SDCCAG8: variants seen among roughly 807,000 people sequenced by gnomAD.
SDCCAG8 encodes SHH signaling and ciliogenesis regulator SDCCAG8, also known as serologically defined colon cancer antigen 8.
SDCCAG8 carries 74 observed loss-of-function variants against 101.8 expected under a neutral mutation model. That is an observed-to-expected ratio of 0.73 (90% confidence interval 0.60 to 0.88). The LOEUF is 0.88. SDCCAG8 is among the 40% of genes least tolerant of loss of function. The probability of loss-of-function intolerance (pLI) is 0.00; values close to 1 mark genes in which losing one functional copy is unlikely to be tolerated. For synonymous variants in SDCCAG8, 281 were observed against 292.9 expected, an observed-to-expected ratio of 0.96 and a Z score of 0.41; for missense variants, 787 against 822.6, an observed-to-expected ratio of 0.96 and a Z score of 0.53.
chr1:243,338,008 A>G (rs1026442600), intron 10 of SDCCAG8, among the ~76,000 whole-genome samples: 5 of 152,030 alleles, frequency 3.3e-5, no homozygotes, highest in African/African-American at 1.2e-4. Flanking sequence ...GTATCCTCAA[A>G]CTACTTGGCT....
In SDCCAG8 at chr1:243,415,622, C is replaced by T. The variant is rs182819335; in HGVS notation, c.1617-80C>T. 8.2e-4 allele frequency: 1,305 copies of T among 1,590,416 alleles called. 27 individuals are homozygous for T. In the South Asian group the frequency reaches 0.014, roughly 17 times the overall value. On this transcript the variant is annotated intron_variant, in intron 13 of 17. Transcript: ENST00000366541. Reference sequence around the variant, plus strand: ...CTTAACAATTTACTACGTATCAGCTCTCTCTGGTCTATAGGGGACATGATG... The same window carrying T: ...CTTAACAATTTACTACGTATCAGCTTTCTCTGGTCTATAGGGGACATGATG...
At chr1:243,356,540 TA>T (rs1284800039) in intron 12 of SDCCAG8, among the ~76,000 whole-genome samples, 3 of 151,974 alleles carry the variant, frequency 2.0e-5, no homozygotes, top group Admixed American at 1.3e-4. Context: ...TGTTTCACCT[TA>T]AACTATAACT....
chr1:243,359,114 G>A (rs753616872), intron 12 of SDCCAG8, among the ~76,000 whole-genome samples: 1 of 152,144 alleles, frequency 6.6e-6, no homozygotes, highest in African/African-American at 2.4e-5. Flanking sequence ...AACTAAGGAG[G>A]AGGAGTGTTA....
At chr1:243,438,132 GT>G (rs931644795) in intron 16 of SDCCAG8, among the ~76,000 whole-genome samples, 3 of 152,126 alleles carry the variant, frequency 2.0e-5, no homozygotes, top group Non-Finnish European at 4.4e-5. Context: ...CTGCTCGTGG[GT>G]TTTTTTGCCC....
intron 1 of SDCCAG8, among the ~76,000 whole-genome samples, chr1:243,266,282 T>C (rs1370726820): frequency 2.0e-5 from 3 of 152,108 alleles, no homozygotes; most frequent in African/African-American, 7.2e-5. Context: ...GTCTGAGATT[T>C]TGTACCCTTT....
intron 8 of SDCCAG8, among the ~76,000 whole-genome samples, chr1:243,315,385 C>A (rs188893341): frequency 9.2e-5 from 14 of 152,058 alleles, no homozygotes; most frequent in African/African-American, 3.4e-4. Flanking sequence ...TGATTATATT[C>A]GATTAAAACA....
At chr1:243,359,316 T>C (rs1400752262) in intron 12 of SDCCAG8, among the ~76,000 whole-genome samples, 1 of 152,362 alleles carries the variant, frequency 6.6e-6, no homozygotes, top group Non-Finnish European at 1.5e-5. Context: ...ATTCCACAGA[T>C]GCCATTTGCA....
At chr1:243,388,197 C>T (rs376993492) in intron 13 of SDCCAG8, among the ~76,000 whole-genome samples, 4 of 152,208 alleles carry the variant, frequency 2.6e-5, no homozygotes, top group East Asian at 3.9e-4. Context: ...CTATCATATT[C>T]TAACTTTCCA....
At chr1:243,437,685 C>T (rs1008155223) in intron 16 of SDCCAG8, among the ~76,000 whole-genome samples, 14 of 151,944 alleles carry the variant, frequency 9.2e-5, no homozygotes, top group Non-Finnish European at 1.8e-4. Flanking sequence ...TACAGGCACC[C>T]GCCACCAGGC....
chr1:243,308,304 A>T (rs996202019), intron 8 of SDCCAG8, 127 bp downstream of exon 8: 1 of 1,099,430 alleles, frequency 9.1e-7, no homozygotes, highest in African/African-American at 1.5e-5. Flanking sequence ...AATACAGTGG[A>T]TTTTAAAAGG....
At chr1:243,367,247 C>T (rs145876263) in intron 12 of SDCCAG8, among the ~76,000 whole-genome samples, 4 of 151,842 alleles carry the variant, frequency 2.6e-5, no homozygotes, top group African/African-American at 4.8e-5. Context: ...CATTTTTATT[C>T]GCCATTGGAA....
intron 10 of SDCCAG8, among the ~76,000 whole-genome samples, chr1:243,336,583 C>G (rs1573391891): frequency 6.6e-6 from 1 of 152,232 alleles, no homozygotes; most frequent in East Asian, 1.9e-4. Flanking sequence ...GGAAGCGCTA[C>G]ACACTTTTAA....
chr1:243,379,598 A>C (rs2077816988), intron 13 of SDCCAG8, among the ~76,000 whole-genome samples: 1 of 152,190 alleles, frequency 6.6e-6, no homozygotes. Context: ...AAAAATTCAA[A>C]AGAGAAAGTA....
intron 1 of SDCCAG8, among the ~76,000 whole-genome samples, chr1:243,259,123 G>A (rs1249690068): frequency 6.6e-6 from 1 of 152,276 alleles, no homozygotes; most frequent in African/African-American, 2.4e-5. Flanking sequence ...TCCTGGGGCC[G>A]GGCGTGGTGG....
chr1:243,267,569 T>A (rs1043227905), intron 1 of SDCCAG8: 9 of 473,470 alleles, frequency 1.9e-5, no homozygotes, highest in Non-Finnish European at 2.7e-5. Flanking sequence ...GCCATCGCAC[T>A]CCAGCCTGGG....
Position 243,458,654 on chromosome 1 carries a change from G to A in SDCCAG8, c.1986-30360G>A, listed in dbSNP as rs188188188. On this transcript the variant is annotated intron_variant, in intron 16 of 17. Transcript: ENST00000366541. This position sits in a 1 kb window ranked among gnomAD's most constrained non-coding sequence, Gnocchi z 4.5. The stretch of plus-strand genomic sequence containing the variant: ...AGCTACTATGTGATAGATGCCAAAC[G>A]TGAACCTGGGCAGTGTGGCTGCCAA... 2.6e-5 allele frequency among the ~76,000 whole-genome samples: 4 copies of A among 152,304 alleles called. No individual in the cohort carries two copies. The highest frequency in any genetic ancestry group is 1.9e-4 in the East Asian group (1 of 5,184).
At chr1:243,285,959 T>C (rs1312518081) in intron 4 of SDCCAG8, among the ~76,000 whole-genome samples, 1 of 152,216 alleles carries the variant, frequency 6.6e-6, no homozygotes, top group Middle Eastern at 3.2e-3. Flanking sequence ...ATCTACTCCA[T>C]TCTTTAAAAT....
intron 4 of SDCCAG8, among the ~76,000 whole-genome samples, 160 bp downstream of exon 4, chr1:243,274,816 C>G (rs1413770520): frequency 6.6e-6 from 1 of 152,184 alleles, no homozygotes. Flanking sequence ...AAGAGCTTGT[C>G]AGACTTGGGA....
Position 243,256,070 on chromosome 1 carries a change from A to T in SDCCAG8, c.-104A>T. The T allele has an allele frequency of 9.5e-7, 1 of 1,055,794 alleles. No homozygotes were observed. Among genetic ancestry groups the T allele is most frequent in the South Asian group, 1.3e-5 (1 of 79,916 alleles). 65.4% of individuals were successfully genotyped at this position (1,055,794 alleles called of 1,614,324 possible). On this transcript the variant is annotated 5_prime_UTR_variant, in exon 1 of 18. Transcript: ENST00000366541. ...TAGGCTCCCCTGTGACAGCCGCGGC[A>T]GGAAGCAGGCGGGCGCTCCCCGGCC...
Sources: allele counts gnomAD v4.1 joint callset (sites outside exome capture counted in the v4.1 genomes callset), GRCh38; gene constraint gnomAD v4.1.1; non-coding constraint Gnocchi (gnomAD v3.1); transcripts MANE v1.5; gene names NCBI Gene and HGNC (gene_info 2026-07-23, HGNC 2026-07-21).